FGFR2: variants seen among roughly 807,000 people sequenced by gnomAD.
FGFR2 encodes BEK fibroblast growth factor receptor.
In FGFR2, 19 loss-of-function variants were observed where a neutral mutation model predicts 95.9. That is an observed-to-expected ratio of 0.20 (90% CI 0.14 to 0.29). FGFR2 has a LOEUF of 0.29. Ranked by LOEUF, FGFR2 falls within the 10% of genes least tolerant of loss-of-function variation. FGFR2 has a pLI of 1.00. For synonymous variants in FGFR2, 392 were observed against 393.3 expected (o/e 1.00, Z 0.04); for missense variants, 707 against 1,056.9 (o/e 0.67, Z 4.59).
At chr10:121,527,455 T>C (rs1242177809) in intron 6 of FGFR2, among the ~76,000 whole-genome samples, 1 of 152,180 alleles carries the variant, frequency 6.6e-6, no homozygotes, top group African/African-American at 2.4e-5. Flanking sequence ...GGAGTCATGG[T>C]TTGGGGATGA....
intron 5 of FGFR2, among the ~76,000 whole-genome samples, chr10:121,540,290 G>C (rs1485820374): frequency 6.6e-6 from 1 of 152,140 alleles, no homozygotes; most frequent in Middle Eastern, 3.2e-3. Flanking sequence ...GAATCTACGG[G>C]CATCTGATCG....
chr10:121,577,570 CTTATGG>C (rs1296905695), intron 2 of FGFR2, among the ~76,000 whole-genome samples: 4 of 152,096 alleles, frequency 2.6e-5, no homozygotes, highest in Non-Finnish European at 5.9e-5. Flanking sequence ...CGTATGTGTT[CTTATGG>C]ACAGGAACAT....
intron 6 of FGFR2, among the ~76,000 whole-genome samples, chr10:121,524,690 G>A (rs528642342): frequency 1.4e-4 from 21 of 152,320 alleles, no homozygotes; most frequent in African/African-American, 3.6e-4. Context: ...CTGAAAAACC[G>A]AGGTGATGGC....
At chr10:121,545,687 T>C (rs1854399147) in intron 5 of FGFR2, among the ~76,000 whole-genome samples, 1 of 152,204 alleles carries the variant, frequency 6.6e-6, no homozygotes, top group Admixed American at 6.5e-5. Flanking sequence ...CTAAACATAC[T>C]TGTGGATTAA....
At chr10:121,580,106 T>A (rs966015034) in intron 2 of FGFR2, among the ~76,000 whole-genome samples, 19 of 152,300 alleles carry the variant, frequency 1.2e-4, no homozygotes, top group African/African-American at 4.3e-4. Flanking sequence ...GAGCAGGCCC[T>A]CCCACACTGC....
At chr10:121,540,443 AAGG>A (rs1166028944) in intron 5 of FGFR2, among the ~76,000 whole-genome samples, 1 of 152,134 alleles carries the variant, frequency 6.6e-6, no homozygotes, top group Non-Finnish European at 1.5e-5. Context: ...GTGTCTTCTG[AAGG>A]AGGAGGAGAT....
intron 6 of FGFR2, among the ~76,000 whole-genome samples, chr10:121,532,015 G>A (rs1390524661): frequency 6.6e-6 from 1 of 152,186 alleles, no homozygotes; most frequent in Non-Finnish European, 1.5e-5. Flanking sequence ...CTCAACAGAG[G>A]GGCTTTCTGC....
chr10:121,587,538 T>C (rs1862007794), intron 2 of FGFR2, among the ~76,000 whole-genome samples: 1 of 152,090 alleles, frequency 6.6e-6, no homozygotes, highest in South Asian at 2.1e-4. Flanking sequence ...CCAGCATCTA[T>C]AAGGAACTTA....
chr10:121,488,186 T>C (rs1490499084), intron 13 of FGFR2, 73 bp from the exon 14 acceptor site: 6 of 1,585,154 alleles, frequency 3.8e-6, no homozygotes, highest in Admixed American at 1.7e-5. Flanking sequence ...AATATGTTCA[T>C]TTCTTAAAAT....
chr10:121,564,285 C>G, intron 4 of FGFR2: 1 of 591,416 alleles, frequency 1.7e-6, no homozygotes, highest in Non-Finnish European at 3.0e-6. Flanking sequence ...AAACGAATGA[C>G]CAGTGACACG....
intron 13 of FGFR2, among the ~76,000 whole-genome samples, chr10:121,488,815 G>C (rs1845765127): frequency 6.6e-6 from 1 of 152,082 alleles, no homozygotes; most frequent in South Asian, 2.1e-4. Context: ...CTCAACACTT[G>C]CTCTCCTGCC....
At chr10:121,481,442 C>T (rs1005024249) in intron 17 of FGFR2, among the ~76,000 whole-genome samples, 23 of 151,832 alleles carry the variant, frequency 1.5e-4, no homozygotes, top group Non-Finnish European at 2.9e-4. Context: ...AATTCATCAC[C>T]AGGGTTGGCA....
intron 9 of FGFR2, among the ~76,000 whole-genome samples, chr10:121,509,731 C>T (rs770699974): frequency 2.0e-5 from 3 of 151,938 alleles, no homozygotes; most frequent in Admixed American, 6.6e-5. Flanking sequence ...GATCCACCTA[C>T]GTCGGCCTCC....
chr10:121,566,228 A>G (rs1414464364), intron 2 of FGFR2, among the ~76,000 whole-genome samples: 5 of 152,186 alleles, frequency 3.3e-5, no homozygotes, highest in Non-Finnish European at 7.3e-5. Flanking sequence ...TCCCTCTACA[A>G]GATTTTTTGC....
At chr10:121,575,053 C>T (rs1370812803) in intron 2 of FGFR2, among the ~76,000 whole-genome samples, 3 of 152,204 alleles carry the variant, frequency 2.0e-5, no homozygotes, top group Admixed American at 6.5e-5. Flanking sequence ...CCAGAAACTC[C>T]AGACTGGCTC....
intron 5 of FGFR2, among the ~76,000 whole-genome samples, chr10:121,548,142 C>T (rs1854796206): frequency 6.6e-6 from 1 of 151,980 alleles, no homozygotes; most frequent in Non-Finnish European, 1.5e-5. Flanking sequence ...CCTCCCAGGC[C>T]GCCCCACCCT....
intron 5 of FGFR2, among the ~76,000 whole-genome samples, chr10:121,540,185 G>A (rs1412327164): frequency 1.3e-5 from 2 of 152,204 alleles, no homozygotes; most frequent in Non-Finnish European, 1.5e-5. Flanking sequence ...TGCAGTCATC[G>A]ACAACTACGA....
At chr10:121,575,080 G>A (rs953795984) in intron 2 of FGFR2, among the ~76,000 whole-genome samples, 4 of 152,220 alleles carry the variant, frequency 2.6e-5, no homozygotes, top group Non-Finnish European at 5.9e-5. Context: ...CTAGTCATCA[G>A]ATGGGATCAT....
At chr10:121,529,405 C>T (rs541024811) in intron 6 of FGFR2, among the ~76,000 whole-genome samples, 18 of 152,244 alleles carry the variant, frequency 1.2e-4, no homozygotes, top group Admixed American at 3.9e-4. Flanking sequence ...CCAGCACACC[C>T]GGCCAAAATG....
Sources: allele counts gnomAD v4.1 joint callset (sites outside exome capture counted in the v4.1 genomes callset), GRCh38; gene constraint gnomAD v4.1.1; transcripts MANE v1.5; gene names NCBI Gene and HGNC (gene_info 2026-07-23, HGNC 2026-07-21).